Variants in N4BP1 observed in about 807,000 individuals in gnomAD.
N4BP1 encodes NEDD4-binding protein 1.
In N4BP1, 21 loss-of-function variants were observed where a neutral mutation model predicts 70.9. The ratio of observed to expected loss-of-function variants is 0.30; its 90% confidence interval spans 0.21 to 0.43. N4BP1 has a LOEUF of 0.43. Among genes scored for constraint, N4BP1 ranks in the 20% least tolerant of loss-of-function variants. The probability of loss-of-function intolerance (pLI) is 1.00; values close to 1 mark genes in which losing one functional copy is unlikely to be tolerated. For synonymous variants in N4BP1, 387 were observed against 394.6 expected, an observed-to-expected ratio of 0.98 and a Z score of 0.23; for missense variants, 936 against 1,069.4, an observed-to-expected ratio of 0.88 and a Z score of 1.74.
chr16:48,562,066 C>T lies in N4BP1; in HGVS notation c.577G>A (p.Glu193Lys). ...TCTCCTGTTTCAAAGAGATTCTCCTCACCTTGTGTGAGTGTCAAAAGTTCT... is the reference window on the plus strand; with the variant it reads ...TCTCCTGTTTCAAAGAGATTCTCCTTACCTTGTGTGAGTGTCAAAAGTTCT... Reference protein sequence around the residue: ...KKELLTLTQGEENLFETGDDE... With the variant: ...KKELLTLTQGKENLFETGDDE... Residue 193 changes from glutamate (E) to lysine (K), a missense_variant, in exon 2 of 7, where the codon GAG becomes AAG. Glu to Lys is a moderately conservative substitution (Grantham distance 56). Transcript: ENST00000262384. 2 of 1,613,646 alleles carry T rather than the reference C, an allele frequency of 1.2e-6. No homozygotes were observed. Among genetic ancestry groups the T allele is most frequent in the Non-Finnish European group, 1.7e-6 (2 of 1,179,866 alleles).
chr16:48,566,913 T>G (rs1298173336), intron 1 of N4BP1, among the ~76,000 whole-genome samples: 6 of 152,258 alleles, frequency 3.9e-5, no homozygotes, highest in Non-Finnish European at 5.9e-5. Flanking sequence ...GATTTAGCAC[T>G]GTTACATAAT....
At chr16:48,600,661 G>A (rs1332388953) in intron 1 of N4BP1, 6 of 490,028 alleles carry the variant, frequency 1.2e-5, no homozygotes, top group Non-Finnish European at 2.4e-5. Flanking sequence ...AAAAATCTCT[G>A]TAACCATTTC....
intron 1 of N4BP1, among the ~76,000 whole-genome samples, chr16:48,592,926 C>G (rs1462451257): frequency 6.6e-6 from 1 of 151,868 alleles, no homozygotes; most frequent in African/African-American, 2.4e-5. Context: ...AATTCTTGTC[C>G]TAAAGTAAAA....
chr16:48,555,390 G>A (rs575748044), intron 2 of N4BP1, among the ~76,000 whole-genome samples: 5 of 152,334 alleles, frequency 3.3e-5, no homozygotes, highest in Non-Finnish European at 2.9e-5. Context: ...CTGCATGTGC[G>A]TTCCTTGAGA....
chr16:48,585,212 C>T (rs1218729438), intron 1 of N4BP1, among the ~76,000 whole-genome samples: 1 of 151,972 alleles, frequency 6.6e-6, no homozygotes, highest in Non-Finnish European at 1.5e-5. Flanking sequence ...GGATTACAGG[C>T]GTGAGTCACG....
chr16:48,543,034 G>T lies in N4BP1; in HGVS notation c.2561C>A (p.Thr854Asn). ...PMPAQRSSAETNELREALLKI... is the reference protein window; with the variant it reads ...PMPAQRSSAENNELREALLKI... The stretch of plus-strand genomic sequence containing the variant: ...CAGAAGGGCTTCCCTCAGCTCGTTG[G>T]TTTCTGCAGAAGATCTCTGAGCTGG... The change falls in exon 7 of 7, where the codon ACC becomes AAC. Residue 854 changes from threonine to asparagine, a missense_variant. By Grantham distance (65) the Thr-to-Asn change is moderately conservative. Around this residue, in one of 4 missense-constraint regions of N4BP1, gnomAD observed 229 missense variants for 343.5 expected, o/e 0.67. Coordinates refer to ENST00000262384, the MANE Select transcript of N4BP1 (RefSeq NM_153029.4). 3.1e-6 allele frequency: 5 copies of T among 1,614,080 alleles called. No homozygotes were observed. The highest frequency in any genetic ancestry group is 4.2e-6 in the Non-Finnish European group (5 of 1,179,900).
chr16:48,575,202 G>C (rs1346856249), intron 1 of N4BP1, among the ~76,000 whole-genome samples: 1 of 152,180 alleles, frequency 6.6e-6, no homozygotes, highest in Non-Finnish European at 1.5e-5. Context: ...TATTAAGTTT[G>C]AGATGTTTGG....
At chr16:48,555,107 C>A (rs1963730973) in intron 2 of N4BP1, among the ~76,000 whole-genome samples, 1 of 152,194 alleles carries the variant, frequency 6.6e-6, no homozygotes, top group African/African-American at 2.4e-5. Context: ...CAAATGCCCT[C>A]AGGACTGAAT....
chr16:48,571,821 G>C (rs1490945041), intron 1 of N4BP1, among the ~76,000 whole-genome samples: 1 of 152,130 alleles, frequency 6.6e-6, no homozygotes, highest in Non-Finnish European at 1.5e-5. Flanking sequence ...GGTCCACCTA[G>C]GATATCCCAA....
At chr16:48,587,441 T>C (rs1030036717) in intron 1 of N4BP1, 1 of 152,218 alleles carries the variant, frequency 6.6e-6, no homozygotes, top group African/African-American at 2.4e-5. Flanking sequence ...CAATGTTCTA[T>C]TTTCTCTCAG....
intron 1 of N4BP1, among the ~76,000 whole-genome samples, chr16:48,574,728 C>G (rs1964067639): frequency 6.6e-6 from 1 of 152,036 alleles, no homozygotes; most frequent in African/African-American, 2.4e-5. Context: ...TATTATTTAC[C>G]AACAAATCCA....
At chr16:48,556,376 C>T (rs183229774) in intron 2 of N4BP1, among the ~76,000 whole-genome samples, 263 of 152,320 alleles carry the variant, frequency 1.7e-3, no homozygotes, top group African/African-American at 6.1e-3. Flanking sequence ...TGTGCTTACT[C>T]ATCACTGTCT....
chr16:48,608,310 T>C (rs1964616504), intron 1 of N4BP1, among the ~76,000 whole-genome samples: 1 of 152,078 alleles, frequency 6.6e-6, no homozygotes, highest in Non-Finnish European at 1.5e-5. Context: ...GCCTACAATG[T>C]TTTAAGTTAA....
chr16:48,584,950 GAGAT>G (rs1964222444), intron 1 of N4BP1, among the ~76,000 whole-genome samples: 1 of 151,654 alleles, frequency 6.6e-6, no homozygotes, highest in South Asian at 2.1e-4. Context: ...TTTTTTCTTT[GAGAT>G]AGAGTCTCGC....
chr16:48,560,714 C>A (rs370720462), intron 2 of N4BP1, 40 bp downstream of exon 2: 3 of 1,552,760 alleles, frequency 1.9e-6, no homozygotes, highest in Non-Finnish European at 2.6e-6. Context: ...CCATTTAGAG[C>A]CCTATTTAAA....
intron 1 of N4BP1, among the ~76,000 whole-genome samples, chr16:48,591,208 T>G (rs893594529): frequency 2.0e-5 from 3 of 152,176 alleles, no homozygotes; most frequent in African/African-American, 7.2e-5. Context: ...CTTTTTGTCT[T>G]TTGACAGTGG....
At chr16:48,564,762 ATAAC>A (rs1489224126) in intron 1 of N4BP1, among the ~76,000 whole-genome samples, 5 of 152,232 alleles carry the variant, frequency 3.3e-5, no homozygotes, top group Non-Finnish European at 7.3e-5. Context: ...GAATCTGAGC[ATAAC>A]TGACATCTGC....
intron 2 of N4BP1, 106 bp downstream of exon 2, chr16:48,560,648 G>T: frequency 7.1e-7 from 1 of 1,410,582 alleles, no homozygotes; most frequent in African/African-American, 1.4e-5. Flanking sequence ...TAAGGCTACA[G>T]ATCAACTATA....
At chr16:48,603,410 A>G (rs1488368286) in intron 1 of N4BP1, among the ~76,000 whole-genome samples, 1 of 151,874 alleles carries the variant, frequency 6.6e-6, no homozygotes, top group Non-Finnish European at 1.5e-5. Context: ...CTAAGCATCA[A>G]CTGATGGGCA....
Sources: gnomAD v4.1 joint callset for allele counts (sites outside exome capture counted in the v4.1 genomes callset) on GRCh38, gnomAD v4.1.1 for gene constraint, gnomAD v4.1.1 regional missense constraint, MANE v1.5 for transcripts, NCBI Gene and HGNC (gene_info 2026-07-23, HGNC 2026-07-21) for gene names.